Variants in ALMS1 observed in about 807,000 individuals in gnomAD.
The protein encoded by ALMS1 is ALMS1 centrosome and basal body associated protein.
ALMS1 carries 271 observed loss-of-function variants against 352.2 expected under a neutral mutation model. That is an observed-to-expected ratio of 0.77 (90% CI 0.70 to 0.85). ALMS1 has a LOEUF of 0.85. Among genes scored for constraint, ALMS1 ranks in the 40% least tolerant of loss-of-function variants. The probability of loss-of-function intolerance (pLI) is 0.00; values close to 1 mark genes in which losing one functional copy is unlikely to be tolerated. For synonymous variants in ALMS1, 1,865 were observed against 1,761.2 expected (o/e 1.06, Z -1.48); for missense variants, 5,445 against 4,870.7 (o/e 1.12, Z -3.51).
At chr2:73,608,683 A>C in intron 22 of ALMS1, 109 bp downstream of exon 22, 1 of 863,474 alleles carries the variant, frequency 1.2e-6, no homozygotes. Context: ...ACCGCATTTG[A>C]GGAATGAACT....
At position 73,490,008 on chromosome 2, in the gene ALMS1, A is replaced by C; in HGVS notation, c.8049A>C (p.Leu2683Phe). The C allele has an allele frequency of 6.2e-7, 1 of 1,614,266 alleles. No individual in the cohort carries two copies. The highest frequency in any genetic ancestry group is 1.6e-4 in the Middle Eastern group (1 of 6,062). ...DEKMDPWLSE[L>F]VEPAFVPPKE... ...AGATGGACCCTTGGCTGTCAGAATT[A>C]GTAGAACCTGCTTTTGTGCCACCTA... The change falls in exon 10 of 23, where the codon TTA (leucine) becomes TTC (phenylalanine). Residue 2683 changes from leucine (L) to phenylalanine (F), a missense_variant. By Grantham distance (22) the Leu-to-Phe change is conservative. Transcript: ENST00000613296.
At chr2:73,473,869 A>G (rs570459263) in intron 9 of ALMS1, among the ~76,000 whole-genome samples, 25 of 152,048 alleles carry the variant, frequency 1.6e-4, no homozygotes, top group African/African-American at 3.9e-4. Flanking sequence ...GAACAGGGCT[A>G]TGGGACATCC....
At chr2:73,503,607 T>C (rs1370695432) in intron 10 of ALMS1, among the ~76,000 whole-genome samples, 1 of 152,194 alleles carries the variant, frequency 6.6e-6, no homozygotes, top group Non-Finnish European at 1.5e-5. Flanking sequence ...CCTTTGGGTA[T>C]ATAGCCAGTA....
At chr2:73,596,815 G>A (rs1052421019) in intron 16 of ALMS1, among the ~76,000 whole-genome samples, 2 of 135,530 alleles carry the variant, frequency 1.5e-5, no homozygotes, top group African/African-American at 2.7e-5. Context: ...CTTGATTGCT[G>A]TAACTTTATA....
chr2:73,411,787 T>C (rs1572906451), intron 2 of ALMS1, among the ~76,000 whole-genome samples: 1 of 152,192 alleles, frequency 6.6e-6, no homozygotes, highest in Non-Finnish European at 1.5e-5. Context: ...ACATTTCCCA[T>C]TCAGTGCCTG....
At chr2:73,573,639 AG>A in intron 16 of ALMS1, 1 of 665,186 alleles carries the variant, frequency 1.5e-6, no homozygotes. Flanking sequence ...TTTTGAATGA[AG>A]GGCTTTGCTG....
intron 12 of ALMS1, among the ~76,000 whole-genome samples, chr2:73,547,793 C>T (rs368305560): frequency 1.3e-5 from 2 of 152,038 alleles, no homozygotes; most frequent in African/African-American, 4.8e-5. Context: ...CATGGCGGGG[C>T]GGGTTAGAGT....
intron 6 of ALMS1, among the ~76,000 whole-genome samples, chr2:73,430,164 C>T (rs1447790982): frequency 2.0e-5 from 3 of 151,600 alleles, no homozygotes; most frequent in African/African-American, 4.9e-5. Flanking sequence ...GCAAGCTCCG[C>T]CTCCCGGGTT....
Position 73,408,015 on chromosome 2 carries a change from T to G in ALMS1, c.325-607T>G, listed in dbSNP as rs148311495. Among the ~76,000 whole-genome samples the G allele has an allele frequency of 6.7e-3, 1,023 of 152,314 alleles. 10 individuals carry two copies. The highest frequency in any genetic ancestry group is 9.3e-3 in the Non-Finnish European group (634 of 68,024). On this transcript the variant is annotated intron_variant, in intron 1 of 22. Coordinates refer to ENST00000613296, the MANE Select transcript of ALMS1 (RefSeq NM_001378454.1). ...TTTGTGGTTGTTTCTGCTTTGTCCT[T>G]TATGGCATCTTCTTTAGAAGGAAAT... is the stretch of plus-strand genomic sequence containing the variant.
chr2:73,519,937 C>G lies in ALMS1; in HGVS notation c.9702C>G (p.Asn3234Lys), dbSNP rs771376818. ...GACATGAAATTATAGAGCCTGGTAACCAGAAGCTACGCAAAGCTCCTGTCA... is the reference window on the plus strand; with the variant it reads ...GACATGAAATTATAGAGCCTGGTAAGCAGAAGCTACGCAAAGCTCCTGTCA... ...DRGHEIIEPG[N>K]QKLRKAPVKF... The change falls in exon 11 of 23, where the codon AAC becomes AAG. Residue 3234 changes from asparagine to lysine, a missense_variant. Transcript: ENST00000613296. 3.8e-5 allele frequency: 62 copies of G among 1,613,946 alleles called. No individual in the cohort carries two copies. The highest frequency in any genetic ancestry group is 5.1e-5 in the Non-Finnish European group (60 of 1,179,956).
intron 10 of ALMS1, among the ~76,000 whole-genome samples, chr2:73,514,929 T>C (rs998192690): frequency 1.2e-4 from 18 of 152,196 alleles, no homozygotes; most frequent in African/African-American, 4.3e-4. Flanking sequence ...AAGAGTTGGT[T>C]TTTCTTAGTA....
chr2:73,515,831 AT>A (rs1260534575), intron 10 of ALMS1, among the ~76,000 whole-genome samples: 2 of 151,554 alleles, frequency 1.3e-5, no homozygotes, highest in African/African-American at 4.8e-5. Context: ...ATGAACACCT[AT>A]TCACACACAA....
At position 73,449,207 on chromosome 2, in the gene ALMS1, G is replaced by T. The variant is rs374262388; in HGVS notation, c.2680G>T (p.Gly894Cys). The T allele has an allele frequency of 1.9e-6, 3 of 1,614,146 alleles. No homozygotes were observed. Among genetic ancestry groups the T allele is most frequent in the Non-Finnish European group, 2.5e-6 (3 of 1,180,018 alleles). Residue 894 changes from glycine (G) to cysteine (C), a missense_variant, in exon 8 of 23, where the codon GGT becomes TGT. By Grantham distance (159) the Gly-to-Cys change is radical (BLOSUM62 -3). Coordinates refer to ENST00000613296, the MANE Select transcript of ALMS1 (RefSeq NM_001378454.1). The part of the protein sequence containing the change: ...ALKVSIVPGP[G>C]DQKTGIPSAP... ...GAAAGTATCAATTGTTCCTGGACCA[G>T]GTGATCAGAAGACTGGGATACCCTC... is the stretch of plus-strand genomic sequence containing the variant.
intron 11 of ALMS1, among the ~76,000 whole-genome samples, chr2:73,526,625 T>C (rs147988507): frequency 2.0e-5 from 3 of 152,330 alleles, no homozygotes; most frequent in African/African-American, 7.2e-5. Flanking sequence ...CTGATTTTTG[T>C]ATGTTCATTT....
rs757152182 is a variant in ALMS1 at position 73,448,730 on chromosome 2, C to G, written c.2203C>G (p.Gln735Glu). ...FYQQEFADSHQTEETLTKVSA... is the reference protein window; with the variant it reads ...FYQQEFADSHETEETLTKVSA... ...CCAACAAGAGTTCGCAGACAGTCAT[C>G]AAACTGAAGAGACTCTTACTAAAGT... Residue 735 changes from glutamine (Q) to glutamate (E), a missense_variant, in exon 8 of 23, where the codon CAA becomes GAA. Gln to Glu is a conservative substitution (Grantham distance 29). Coordinates refer to ENST00000613296, the MANE Select transcript of ALMS1 (RefSeq NM_001378454.1). 25 of 1,605,578 alleles carry G rather than the reference C, an allele frequency of 1.6e-5. No individual in the cohort carries two copies. Among genetic ancestry groups the G allele is most frequent in the Non-Finnish European group, 2.0e-5 (24 of 1,174,270 alleles).
At position 73,601,274 on chromosome 2, in the gene ALMS1, C is replaced by G. The variant is rs759874984; in HGVS notation, c.11952C>G (p.Gly3984=). Residue 3984 remains glycine, a synonymous_variant, in exon 19 of 23, where the codon GGC becomes GGG. Coordinates refer to ENST00000613296, the MANE Select transcript of ALMS1 (RefSeq NM_001378454.1). ...ACGTGCCTAACACTTGTGGCCCTGG[C>G]ATCTCCTGGTTTGAACCAATAACCA... is the stretch of plus-strand genomic sequence containing the variant. The part of the protein sequence containing the change: ...KENVPNTCGP[G]ISWFEPITKT... 2 of 1,614,200 alleles carry G rather than the reference C, an allele frequency of 1.2e-6. No individual in the cohort carries two copies. Among genetic ancestry groups the G allele is most frequent in the Non-Finnish European group, 1.7e-6 (2 of 1,180,036 alleles).
At chr2:73,409,597 C>T (rs558074868) in intron 2 of ALMS1, among the ~76,000 whole-genome samples, 6 of 151,718 alleles carry the variant, frequency 4.0e-5, no homozygotes, top group Non-Finnish European at 7.4e-5. Flanking sequence ...GACTGTTTTC[C>T]AAAACAAAAA....
At chr2:73,419,079 A>G in intron 2 of ALMS1, 44 bp from the exon 3 acceptor site, 1 of 1,486,550 alleles carries the variant, frequency 6.7e-7, no homozygotes, top group East Asian at 2.3e-5. Flanking sequence ...ATGTATGGTA[A>G]CTCAGTTAAT....
In ALMS1 at chr2:73,452,728, A is replaced by G. The variant is rs1422537312; in HGVS notation, c.6201A>G (p.Gln2067=). The G allele has an allele frequency of 1.9e-6, 3 of 1,613,540 alleles. No individual in the cohort carries two copies. Among genetic ancestry groups the G allele is most frequent in the East Asian group, 4.5e-5 (2 of 44,888 alleles). ...AACAGCAGTTGCCAGATAGAGATCAAAGTAAAGGTATTCTAAAGATTTCAG... is the reference window on the plus strand; with the variant it reads ...AACAGCAGTTGCCAGATAGAGATCAGAGTAAAGGTATTCTAAAGATTTCAG... The part of the protein sequence containing the change: ...LFQQQLPDRD[Q]SKGILKISAV... Residue 2067 remains glutamine, a synonymous_variant, in exon 8 of 23, where the codon CAA becomes CAG. Coordinates refer to ENST00000613296, the MANE Select transcript of ALMS1 (RefSeq NM_001378454.1).
Sources: allele counts gnomAD v4.1 joint callset (sites outside exome capture counted in the v4.1 genomes callset), GRCh38; gene constraint gnomAD v4.1.1; transcripts MANE v1.5; gene names NCBI Gene and HGNC (gene_info 2026-07-23, HGNC 2026-07-21).